The following RGS6 variants were observed in gnomAD, a reference collection of about 807,000 sequenced individuals.
RGS6 encodes the protein regulator of G protein signaling 6.
Under a neutral mutation model 78.5 loss-of-function variants are expected in RGS6, and 30 were observed. The ratio of observed to expected loss-of-function variants is 0.38; its 90% CI spans 0.29 to 0.52. The LOEUF is 0.52. Ranked by LOEUF, RGS6 falls within the 20% of genes least tolerant of loss-of-function variation. RGS6 has a pLI of 0.85. For missense variants in RGS6, 495 were observed against 609.7 expected, an observed-to-expected ratio of 0.81 and a Z score of 1.98; for synonymous variants, 206 against 206.0, an observed-to-expected ratio of 1.00 and a Z score of 0.00.
the RGS6 span, among the ~76,000 whole-genome samples, chr14:72,625,057 G>T: frequency 3.3e-5 from 5 of 152,146 alleles, no homozygotes; most frequent in East Asian, 9.7e-4. Flanking sequence ...GAGATACTTG[G>T]AGATTATCTC....
At chr14:71,940,017 C>T (rs1298132581) in intron 1 of RGS6, among the ~76,000 whole-genome samples, 1 of 152,188 alleles carries the variant, frequency 6.6e-6, no homozygotes, top group African/African-American at 2.4e-5. Context: ...TGCATTCTGG[C>T]CCTGGGGAAA....
the RGS6 span, among the ~76,000 whole-genome samples, chr14:71,887,892 T>G: frequency 6.6e-6 from 1 of 152,294 alleles, no homozygotes; most frequent in East Asian, 1.9e-4. Context: ...CTTTTTGCCC[T>G]TTGAAACATG....
At chr14:72,184,884 A>T (rs1237120715) in intron 2 of RGS6, among the ~76,000 whole-genome samples, 1 of 152,214 alleles carries the variant, frequency 6.6e-6, no homozygotes. Context: ...AGATGTACAT[A>T]TGAAAGGGAG....
the RGS6 span, among the ~76,000 whole-genome samples, chr14:71,870,980 A>C: frequency 6.6e-6 from 1 of 152,218 alleles, no homozygotes; most frequent in African/African-American, 2.4e-5. Context: ...AGAAAATTAC[A>C]TTAGTGAGGT....
chr14:72,422,240 G>C (rs994262007), intron 3 of RGS6, among the ~76,000 whole-genome samples: 1 of 152,180 alleles, frequency 6.6e-6, no homozygotes, highest in South Asian at 2.1e-4. Context: ...CCAGTCTTAG[G>C]TATGTCTTTA....
At chr14:72,030,414 A>G (rs944828437) in intron 2 of RGS6, among the ~76,000 whole-genome samples, 2 of 151,718 alleles carry the variant, frequency 1.3e-5, no homozygotes, top group Non-Finnish European at 2.9e-5. Context: ...GAAAAATATT[A>G]TGCAAATACT....
chr14:72,297,108 G>A (rs956527162), intron 2 of RGS6, among the ~76,000 whole-genome samples: 1 of 151,758 alleles, frequency 6.6e-6, no homozygotes, highest in Admixed American at 6.6e-5. Flanking sequence ...GCTACTTTTG[G>A]GCTTTCAGTT....
Position 72,095,575 on chromosome 14 carries a change from C to T in RGS6, c.84+130700C>T, listed in dbSNP as rs904236042. ...GGCTGTAACAGTGTCACGTTGGCTGCACCTGTTTCAAAGAAAGTTCAGAAA... is the reference window on the plus strand; with the variant it reads ...GGCTGTAACAGTGTCACGTTGGCTGTACCTGTTTCAAAGAAAGTTCAGAAA... On this transcript the variant is annotated intron_variant, in intron 2 of 17. Coordinates refer to ENST00000553525, the MANE Select transcript of RGS6 (RefSeq NM_001204424.2). Among the ~76,000 whole-genome samples the T allele has an allele frequency of 3.3e-5, 5 of 152,152 alleles. 1 individual carries two copies. In the South Asian group the frequency reaches 8.3e-4, roughly 25 times the overall value.
At chr14:71,999,146 G>A (rs2082911974) in intron 2 of RGS6, among the ~76,000 whole-genome samples, 1 of 152,166 alleles carries the variant, frequency 6.6e-6, no homozygotes, top group Admixed American at 6.5e-5. Flanking sequence ...TGACCTCTGA[G>A]GTAAGCAAAT....
intron 2 of RGS6, among the ~76,000 whole-genome samples, chr14:71,975,979 A>G (rs2094102723): frequency 6.6e-6 from 1 of 152,074 alleles, no homozygotes. Context: ...TCTCTTCAAT[A>G]TATTAGATAA....
In RGS6 at chr14:72,015,230, A is replaced by G. The variant is rs113845306; in HGVS notation, c.84+50355A>G. Among the ~76,000 whole-genome samples, 212 of 152,282 alleles carry G rather than the reference A, an allele frequency of 1.4e-3. 2 individuals are homozygous for G. The highest frequency in any genetic ancestry group is 3.8e-3 in the African/African-American group (156 of 41,568). ...CACATTTCAGGAGGGGAGGAGAGAA[A>G]GAGAGAGAAAGGGAGGTGCCAGGCT... On this transcript the variant is annotated intron_variant, in intron 2 of 17. Transcript: ENST00000553525.
intron 2 of RGS6, among the ~76,000 whole-genome samples, chr14:72,005,733 C>T (rs1396647427): frequency 6.6e-6 from 1 of 152,124 alleles, no homozygotes; most frequent in Non-Finnish European, 1.5e-5. Flanking sequence ...GCATTTCTTT[C>T]TCCATGTCTT....
intron 3 of RGS6, among the ~76,000 whole-genome samples, chr14:72,366,527 G>A (rs1488604426): frequency 6.6e-6 from 1 of 152,120 alleles, no homozygotes; most frequent in Non-Finnish European, 1.5e-5. Flanking sequence ...CCCAACATCA[G>A]ATCAAAGTCC....
the RGS6 span, among the ~76,000 whole-genome samples, chr14:71,917,537 G>A: frequency 6.6e-6 from 1 of 152,312 alleles, no homozygotes; most frequent in African/African-American, 2.4e-5. Flanking sequence ...GTCTACCCGC[G>A]ACCTTGGGAG....
At position 72,346,957 on chromosome 14, in the gene RGS6, G is replaced by A. The variant is rs552437035; in HGVS notation, c.85-5138G>A. On this transcript the variant is annotated intron_variant, in intron 2 of 17. Coordinates refer to ENST00000553525, the MANE Select transcript of RGS6 (RefSeq NM_001204424.2). ...GTTTCCAGTGTCCTGCTGTTTGGAAGAATGTTTTACCTGCCTGTCAGTGCT... is the reference window on the plus strand; with the variant it reads ...GTTTCCAGTGTCCTGCTGTTTGGAAAAATGTTTTACCTGCCTGTCAGTGCT... Among the ~76,000 whole-genome samples the A allele has an allele frequency of 1.5e-4, 23 of 152,326 alleles. 1 individual carries two copies. The highest frequency in any genetic ancestry group is 6.5e-4 in the Admixed American group (10 of 15,296).
chr14:72,606,488 T>C, the RGS6 span, among the ~76,000 whole-genome samples: 5 of 152,112 alleles, frequency 3.3e-5, no homozygotes, highest in Admixed American at 6.5e-5. Flanking sequence ...TACTGCCGGG[T>C]GTTGAGCCAC....
At chr14:72,573,640 C>T in the RGS6 span, among the ~76,000 whole-genome samples, 1 of 152,130 alleles carries the variant, frequency 6.6e-6, no homozygotes, top group Admixed American at 6.5e-5. Context: ...ACTTCTTCTC[C>T]AACCAAAGAT....
At chr14:72,062,474 C>G (rs1240135485) in intron 2 of RGS6, among the ~76,000 whole-genome samples, 1 of 152,230 alleles carries the variant, frequency 6.6e-6, no homozygotes, top group Non-Finnish European at 1.5e-5. Flanking sequence ...AGAAAACAAA[C>G]AGACCAGCAA....
In RGS6 at chr14:72,053,887, C is replaced by T. The variant is rs1231039768; in HGVS notation, c.84+89012C>T. On this transcript the variant is annotated intron_variant, in intron 2 of 17. Coordinates refer to ENST00000553525, the MANE Select transcript of RGS6 (RefSeq NM_001204424.2). Reference sequence around the variant, plus strand: ...GACCTTACACTTATGTATTCAAATGCTTCCTGGAAGTCAAAACATATTTTC... The same window carrying T: ...GACCTTACACTTATGTATTCAAATGTTTCCTGGAAGTCAAAACATATTTTC... Among the ~76,000 whole-genome samples the T allele has an allele frequency of 3.3e-5, 5 of 152,176 alleles. No individual in the cohort carries two copies. In the East Asian group the frequency reaches 9.6e-4, roughly 29 times the overall value.
Sources: allele counts gnomAD v4.1 joint callset (sites outside exome capture counted in the v4.1 genomes callset), GRCh38; gene constraint gnomAD v4.1.1; transcripts MANE v1.5; gene names NCBI Gene and HGNC (gene_info 2026-07-23, HGNC 2026-07-21).